Variants in PIK3C3 observed in about 807,000 individuals in gnomAD.
The protein encoded by PIK3C3 is phosphatidylinositol 3-kinase catalytic subunit type 3.
Under a neutral mutation model 126.1 loss-of-function variants are expected in PIK3C3, and 95 were observed. The observed-to-expected ratio is 0.75, with a 90% confidence interval of 0.64 to 0.89. PIK3C3 has a LOEUF of 0.89. Among genes scored for constraint, PIK3C3 ranks in the 40% least tolerant of loss-of-function variants. The pLI is 0.00. For synonymous variants in PIK3C3, 374 were observed against 360.0 expected, an observed-to-expected ratio of 1.04 and a Z score of -0.44; for missense variants, 829 against 1,063.2, an observed-to-expected ratio of 0.78 and a Z score of 3.06.
chr18:42,048,954 T>A (rs908540868), intron 20 of PIK3C3, among the ~76,000 whole-genome samples: 1 of 152,214 alleles, frequency 6.6e-6, no homozygotes, highest in African/African-American at 2.4e-5. Flanking sequence ...CCAGACTTTT[T>A]TTAGAATAAA....
intron 24 of PIK3C3, among the ~76,000 whole-genome samples, chr18:42,074,675 G>C (rs1419482243): frequency 6.6e-6 from 1 of 151,916 alleles, no homozygotes; most frequent in African/African-American, 2.4e-5. Flanking sequence ...TTATATGTGT[G>C]TTTTGTTTTT....
chr18:41,975,484 A>G (rs1014809187), intron 4 of PIK3C3, among the ~76,000 whole-genome samples: 2 of 152,182 alleles, frequency 1.3e-5, no homozygotes, highest in African/African-American at 4.8e-5. Context: ...TACTGACAGC[A>G]TTGATCTAGA....
intron 1 of PIK3C3, among the ~76,000 whole-genome samples, chr18:41,956,548 CTTTTTTTTT>C (rs57601171): frequency 1.0e-5 from 1 of 100,238 alleles, no homozygotes; most frequent in African/African-American, 4.2e-5. Context: ...AAACCGGTCC[CTTTTTTTTT>C]TTTTTTTTTT....
In PIK3C3 at chr18:42,034,887, A is replaced by G. The variant is rs1369052312; in HGVS notation, c.1839+930A>G. Among the ~76,000 whole-genome samples, 2 of 152,332 alleles carry G rather than the reference A, an allele frequency of 1.3e-5. 1 individual carries two copies. Among genetic ancestry groups the G allele is most frequent in the South Asian group, 4.2e-4 (2 of 4,818 alleles). ...TAGGAAACAGTTCATATTTTTTAAA[A>G]AAGTGTGTTTCAAGGCAACCTCATA... On this transcript the variant is annotated intron_variant, in intron 16 of 24. Coordinates refer to ENST00000262039, the MANE Select transcript of PIK3C3 (RefSeq NM_002647.4).
intron 23 of PIK3C3, among the ~76,000 whole-genome samples, chr18:42,065,883 G>T (rs1985517351): frequency 6.6e-6 from 1 of 152,164 alleles, no homozygotes; most frequent in Non-Finnish European, 1.5e-5. Context: ...GTATAAAAGA[G>T]AATATTTTCA....
At chr18:42,047,216 C>A (rs1984595116) in intron 20 of PIK3C3, among the ~76,000 whole-genome samples, 1 of 152,086 alleles carries the variant, frequency 6.6e-6, no homozygotes, top group Admixed American at 6.6e-5. Flanking sequence ...GTAAGTAGGT[C>A]TGGATTGAAC....
At chr18:42,015,287 C>G (rs76840130) in intron 11 of PIK3C3, among the ~76,000 whole-genome samples, 189 bp from the exon 12 acceptor site, 7,433 of 152,268 alleles carry the variant, frequency 0.049, 269 homozygotes, top group Non-Finnish European at 0.076. Flanking sequence ...TCCCAAGAGG[C>G]ATTACCCATA....
At chr18:42,020,745 T>A in intron 13 of PIK3C3, 40 bp downstream of exon 13, 1 of 1,107,918 alleles carries the variant, frequency 9.0e-7, no homozygotes, top group Middle Eastern at 2.3e-4. Context: ...CTTATTACCC[T>A]TAAGAATTAT....
rs969306260 is a variant in PIK3C3, at chr18:42,087,636, C to T, written c.*6499C>T. 5.9e-5 allele frequency: 9 copies of T among 152,202 alleles called. No individual in the cohort carries two copies. The highest frequency in any genetic ancestry group is 2.2e-4 in the African/African-American group (9 of 41,458). 9.4% of individuals were successfully genotyped at this position (152,202 alleles called of 1,614,324 possible). The stretch of plus-strand genomic sequence containing the variant: ...AAGCCTTACCGAGGACTCCCATACC[C>T]TTGCTTTCTGCTTAAGTGATTTCTT... On this transcript the variant is annotated 3_prime_UTR_variant, in exon 25 of 25. Transcript: ENST00000262039.
At chr18:41,979,151 G>C (rs1981074929) in intron 4 of PIK3C3, among the ~76,000 whole-genome samples, 1 of 151,200 alleles carries the variant, frequency 6.6e-6, no homozygotes, top group Non-Finnish European at 1.5e-5. Flanking sequence ...GTTGGCCCTT[G>C]GCTGATGTCT....
chr18:42,029,316 A>ACC lies in PIK3C3; in HGVS notation c.1591-7_1591-6dup. 6.3e-7 allele frequency: 1 copy of ACC among 1,588,066 alleles called. No homozygotes were observed. The highest frequency in any genetic ancestry group is 1.7e-5 in the Admixed American group (1 of 59,966). Reference sequence around the variant, plus strand: ...TAGAACTAATTTTTTCTCACTTTGAACCCTTCAGGGTGATAAGTCTGTCAG... The same window carrying ACC: ...TAGAACTAATTTTTTCTCACTTTGAACCCCCTTCAGGGTGATAAGTCTGTCAG... On this transcript the variant is annotated splice_polypyrimidine_tract_variant and intron_variant, in intron 14 of 24. Coordinates refer to ENST00000262039, the MANE Select transcript of PIK3C3 (RefSeq NM_002647.4).
At chr18:41,997,969 T>G (rs528558133) in intron 9 of PIK3C3, among the ~76,000 whole-genome samples, 1 of 152,310 alleles carries the variant, frequency 6.6e-6, no homozygotes, top group South Asian at 2.1e-4. Context: ...AGGAAGCTGT[T>G]ACATATTTAT....
intron 9 of PIK3C3, among the ~76,000 whole-genome samples, chr18:42,002,421 G>A (rs1401104069): frequency 3.3e-5 from 5 of 152,150 alleles, no homozygotes; most frequent in Admixed American, 1.3e-4. Flanking sequence ...AAACCACTTT[G>A]TAACAGTATG....
chr18:42,055,126 A>G (rs1985005257), intron 21 of PIK3C3, among the ~76,000 whole-genome samples: 1 of 152,160 alleles, frequency 6.6e-6, no homozygotes, highest in South Asian at 2.1e-4. Context: ...ATGGTGGTGG[A>G]TTCTTCATGA....
intron 6 of PIK3C3, among the ~76,000 whole-genome samples, chr18:41,991,591 A>G (rs1006912485): frequency 1.3e-5 from 2 of 152,212 alleles, no homozygotes; most frequent in Non-Finnish European, 2.9e-5. Context: ...ATTGTTGTTT[A>G]TTAAAGCTGT....
At chr18:42,064,858 G>A (rs1320380352) in intron 23 of PIK3C3, 28 bp downstream of exon 23, 2 of 1,174,122 alleles carry the variant, frequency 1.7e-6, no homozygotes, top group East Asian at 2.3e-5. Flanking sequence ...TAAATGAAGA[G>A]CTCTTCTGTA....
chr18:42,009,844 A>G (rs989453237), intron 10 of PIK3C3, among the ~76,000 whole-genome samples: 2 of 152,112 alleles, frequency 1.3e-5, no homozygotes, highest in Non-Finnish European at 2.9e-5. Flanking sequence ...TTTAACAATC[A>G]TCTGAGCCCT....
chr18:42,027,271 G>A, intron 13 of PIK3C3, 172 bp from the exon 14 acceptor site: 1 of 367,472 alleles, frequency 2.7e-6, no homozygotes, highest in Non-Finnish European at 5.0e-6. Context: ...GGTTGTATGT[G>A]TTCCTCTTTA....
intron 16 of PIK3C3, among the ~76,000 whole-genome samples, chr18:42,037,105 G>A (rs1009353371): frequency 2.0e-5 from 3 of 152,070 alleles, no homozygotes; most frequent in Non-Finnish European, 2.9e-5. Context: ...TCCAAAATCC[G>A]GGGAAGTCCA....
Sources: gnomAD v4.1 joint callset for allele counts (sites outside exome capture counted in the v4.1 genomes callset) on GRCh38, gnomAD v4.1.1 for gene constraint, MANE v1.5 for transcripts, NCBI Gene and HGNC (gene_info 2026-07-23, HGNC 2026-07-21) for gene names.